Variants in PLEKHA7 observed in about 807,000 individuals in gnomAD.
PLEKHA7 encodes pleckstrin homology domain-containing family A member 7.
In PLEKHA7, 104 loss-of-function variants were observed where a neutral mutation model predicts 170.0. That is an observed-to-expected ratio of 0.61 (90% CI 0.52 to 0.72). The LOEUF is 0.72. Ranked by LOEUF, PLEKHA7 falls within the 30% of genes least tolerant of loss-of-function variation. PLEKHA7 has a pLI of 0.00. For synonymous variants in PLEKHA7, 648 were observed against 660.8 expected (o/e 0.98, Z 0.30); for missense variants, 1,615 against 1,671.7 (o/e 0.97, Z 0.59).
chr11:16,803,611 A>G, intron 13 of PLEKHA7: 1 of 325,824 alleles, frequency 3.1e-6, no homozygotes, highest in South Asian at 3.1e-5. Context: ...AAAAATCAGC[A>G]TGAATCTTGG....
At chr11:16,933,926 T>G (rs1046520429) in intron 3 of PLEKHA7, among the ~76,000 whole-genome samples, 1 of 152,208 alleles carries the variant, frequency 6.6e-6, no homozygotes, top group African/African-American at 2.4e-5. Context: ...GGCAACCCTC[T>G]GTGATCCAGC....
At chr11:17,001,105 T>C (rs914707776) in intron 3 of PLEKHA7, among the ~76,000 whole-genome samples, 1 of 152,184 alleles carries the variant, frequency 6.6e-6, no homozygotes, top group Non-Finnish European at 1.5e-5. Flanking sequence ...CTCTGCTCCA[T>C]GGCTGCCTGG....
chr11:16,888,215 G>A (rs1039212307), intron 3 of PLEKHA7, among the ~76,000 whole-genome samples: 13 of 152,132 alleles, frequency 8.5e-5, no homozygotes, highest in African/African-American at 3.1e-4. Flanking sequence ...CCCCATCTGG[G>A]AAGACAGGAG....
intron 3 of PLEKHA7, among the ~76,000 whole-genome samples, chr11:16,914,113 C>T (rs1449070124): frequency 6.6e-6 from 1 of 151,836 alleles, no homozygotes; most frequent in African/African-American, 2.4e-5. Context: ...CTGGGAAATA[C>T]ACATGATATC....
intron 3 of PLEKHA7, among the ~76,000 whole-genome samples, chr11:16,993,536 A>G (rs947847443): frequency 5.3e-5 from 8 of 152,126 alleles, no homozygotes; most frequent in Non-Finnish European, 7.3e-5. Context: ...CACTAGATAA[A>G]TGGTGGTTAC....
intron 21 of PLEKHA7, chr11:16,790,507 G>A (rs976792312): frequency 2.1e-5 from 7 of 332,926 alleles, no homozygotes; most frequent in African/African-American, 1.5e-4. Flanking sequence ...TTTCCTCATA[G>A]GATTGTTGTG....
At chr11:16,830,626 T>G (rs1161336038) in intron 9 of PLEKHA7, among the ~76,000 whole-genome samples, 1 of 152,248 alleles carries the variant, frequency 6.6e-6, no homozygotes, top group South Asian at 2.1e-4. Flanking sequence ...ACCCAAAGAT[T>G]GTGGGCACAA....
At chr11:16,825,651 G>A (rs1213267175) in intron 10 of PLEKHA7, among the ~76,000 whole-genome samples, 2 of 152,220 alleles carry the variant, frequency 1.3e-5, no homozygotes, top group Admixed American at 1.3e-4. Flanking sequence ...GTCTGATAAA[G>A]CCCAATGTCA....
At chr11:16,930,711 CTTTA>C (rs1161300154) in intron 3 of PLEKHA7, among the ~76,000 whole-genome samples, 3 of 152,126 alleles carry the variant, frequency 2.0e-5, no homozygotes, top group African/African-American at 7.2e-5. Flanking sequence ...AACATGAGGC[CTTTA>C]TTTAGAGAGT....
chr11:16,993,298 G>A (rs964329635), intron 3 of PLEKHA7, among the ~76,000 whole-genome samples: 6 of 152,094 alleles, frequency 3.9e-5, no homozygotes, highest in African/African-American at 1.2e-4. Context: ...ATCTCTGGAT[G>A]GACTTAAGGA....
At chr11:16,997,440 G>C (rs1864407142) in intron 3 of PLEKHA7, among the ~76,000 whole-genome samples, 1 of 152,160 alleles carries the variant, frequency 6.6e-6, no homozygotes. Context: ...CTAGGGTGGG[G>C]GTTCCATCTC....
chr11:16,808,123 A>C (rs553381034), intron 13 of PLEKHA7, among the ~76,000 whole-genome samples: 1 of 152,220 alleles, frequency 6.6e-6, no homozygotes, highest in Non-Finnish European at 1.5e-5. Flanking sequence ...TGAGGATCAC[A>C]TTTTGAGAGC....
In PLEKHA7 at chr11:16,789,544, GA is replaced by G. The variant is rs1248763091; in HGVS notation, c.3156+230del. ...GGCTCAGGCCTGTCCAGTGAGGCCA[GA>G]ACCCAGGGTGCAGGCTTCTTGAGCT... On this transcript the variant is annotated intron_variant, in intron 22 of 26. Transcript: ENST00000531066. The surrounding 1 kb of genome is among the most constrained non-coding windows in gnomAD (Gnocchi z 4.6). 3 of 616,678 alleles carry G rather than the reference GA, an allele frequency of 4.9e-6. No homozygotes were observed. Among genetic ancestry groups the G allele is most frequent in the Non-Finnish European group, 8.5e-6 (3 of 352,106 alleles). The allele number at this position is 616,678 out of a possible 1,614,324, so 38.2% of individuals were successfully genotyped here.
chr11:16,794,662 A>G lies in PLEKHA7; in HGVS notation c.2571T>C (p.Thr857=). ...FPHPPVPSLS[T]SESKPPPQPS... ...GCTGTGGGGGCGGCTTGCTCTCAGA[A>G]GTTGAGAGTGAAGGCACAGGCGGGT... Residue 857 remains threonine, a synonymous_variant, in exon 19 of 27, where the codon ACT becomes ACC. Transcript: ENST00000531066. 6.2e-7 allele frequency: 1 copy of G among 1,614,098 alleles called. No homozygotes were observed. The highest frequency in any genetic ancestry group is 8.5e-7 in the Non-Finnish European group (1 of 1,180,012).
chr11:16,878,196 C>A (rs1486810357), intron 3 of PLEKHA7, among the ~76,000 whole-genome samples: 1 of 152,056 alleles, frequency 6.6e-6, no homozygotes, highest in Non-Finnish European at 1.5e-5. Context: ...TGAATTCATC[C>A]ACACTCCTCT....
chr11:16,880,648 C>A (rs111938602), intron 3 of PLEKHA7, among the ~76,000 whole-genome samples: 1,948 of 152,272 alleles, frequency 0.013, 37 homozygotes, highest in African/African-American at 0.042. Flanking sequence ...ACTCACCTGG[C>A]AGGCAAAGTG....
chr11:16,838,574 CATTAA>C (rs1171646349), intron 9 of PLEKHA7, among the ~76,000 whole-genome samples: 1 of 147,686 alleles, frequency 6.8e-6, no homozygotes. Context: ...TGGAAATATA[CATTAA>C]ATTAAGATAA....
chr11:16,996,453 CT>C (rs1407744219), intron 3 of PLEKHA7, among the ~76,000 whole-genome samples: 1 of 152,158 alleles, frequency 6.6e-6, no homozygotes, highest in Non-Finnish European at 1.5e-5. Context: ...TGGAAAAGAC[CT>C]ATAACGTAGC....
intron 3 of PLEKHA7, among the ~76,000 whole-genome samples, chr11:16,966,014 C>A (rs1231972832): frequency 6.6e-6 from 1 of 152,130 alleles, no homozygotes; most frequent in Non-Finnish European, 1.5e-5. Context: ...AAAATCCCAT[C>A]TCTACCAAAA....
Sources: allele counts gnomAD v4.1 joint callset (sites outside exome capture counted in the v4.1 genomes callset), GRCh38; gene constraint gnomAD v4.1.1; non-coding constraint Gnocchi (gnomAD v3.1); transcripts MANE v1.5; gene names NCBI Gene and HGNC (gene_info 2026-07-23, HGNC 2026-07-21).